PIP4K2B: variants seen among roughly 807,000 people sequenced by gnomAD.
PIP4K2B encodes the protein phosphatidylinositol-5-phosphate 4-kinase type 2 beta.
A neutral mutation model predicts 42.0 loss-of-function variants in PIP4K2B; 3 were observed. The ratio of observed to expected loss-of-function variants is 0.07; its 90% CI spans 0.03 to 0.18. The LOEUF is 0.18. PIP4K2B is among the 10% of genes least tolerant of loss of function. The pLI is 1.00. For synonymous variants in PIP4K2B, 204 were observed against 210.1 expected (o/e 0.97, Z 0.25); for missense variants, 332 against 562.3 (o/e 0.59, Z 4.14).
At chr17:38,780,711 G>C in intron 3 of PIP4K2B, 107 bp from the exon 4 acceptor site, 1 of 1,072,284 alleles carries the variant, frequency 9.3e-7, no homozygotes, top group East Asian at 2.5e-5. Flanking sequence ...ACAACACTGA[G>C]ATAGAGGGAC....
chr17:38,793,245 TC>T (rs1192152971), intron 1 of PIP4K2B, among the ~76,000 whole-genome samples: 20 of 143,360 alleles, frequency 1.4e-4, no homozygotes, highest in African/African-American at 3.2e-4. Flanking sequence ...GAAGATTTTT[TC>T]TTTTTTTTTT....
intron 4 of PIP4K2B, chr17:38,779,845 T>A (rs2143387417): frequency 3.1e-6 from 1 of 326,012 alleles, no homozygotes; most frequent in Admixed American, 4.3e-5. Flanking sequence ...AAATCCCTGA[T>A]CCACACCTTG....
chr17:38,782,887 GAA>G (rs1909786499), intron 3 of PIP4K2B, among the ~76,000 whole-genome samples: 1 of 152,256 alleles, frequency 6.6e-6, no homozygotes, highest in Non-Finnish European at 1.5e-5. Flanking sequence ...ACAGATGAAT[GAA>G]AGTCAGCTAT....
chr17:38,798,200 AC>A (rs909667407), intron 1 of PIP4K2B, among the ~76,000 whole-genome samples: 3 of 152,190 alleles, frequency 2.0e-5, no homozygotes, highest in Non-Finnish European at 4.4e-5. Flanking sequence ...TCCACAGGAA[AC>A]CCAAGCTTGA....
rs549539908 is a variant in PIP4K2B at position 38,784,108 on chromosome 17, G to A, written c.354+135C>T. ...GGCCCCCAGTGCTGGGGGAGAGACC[G>A]CCTGGGCTGGAGCAAGGCATGACAG... On this transcript the variant is annotated intron_variant, in intron 3 of 9. Transcript: ENST00000619039. The A allele has an allele frequency of 7.0e-5, 42 of 599,842 alleles. No individual in the cohort carries two copies. In the East Asian group the frequency reaches 9.6e-4, roughly 14 times the overall value. 37.2% of individuals were successfully genotyped at this position (599,842 alleles called of 1,614,324 possible). A position where few individuals can be genotyped will look rare whatever the true frequency, so the allele number is the denominator to read the frequency against.
Position 38,765,871 on chromosome 17 carries a change from C to T in PIP4K2B, c.*3820G>A, listed in dbSNP as rs1268678847. The T allele has an allele frequency of 1.3e-5, 2 of 152,686 alleles. No individual in the cohort carries two copies. Among genetic ancestry groups the T allele is most frequent in the Non-Finnish European group, 2.9e-5 (2 of 68,050 alleles). The allele number at this position is 152,686 out of a possible 1,614,324, so 9.5% of individuals were successfully genotyped here. A position where few individuals can be genotyped will look rare whatever the true frequency, so the allele number is the denominator to read the frequency against. ...CAGTGGGATATGGAGAAGTCACACA[C>T]TTGGTGGGGTGGTGGTTTGTCCTGC... is the stretch of plus-strand genomic sequence containing the variant. On this transcript the variant is annotated 3_prime_UTR_variant, in exon 10 of 10. Transcript: ENST00000619039.
intron 3 of PIP4K2B, among the ~76,000 whole-genome samples, chr17:38,781,988 C>T (rs2143403525): frequency 6.6e-6 from 1 of 152,242 alleles, no homozygotes; most frequent in South Asian, 2.1e-4. Context: ...GATCAGGATC[C>T]TACTCTTTAC....
chr17:38,780,682 C>T lies in PIP4K2B; in HGVS notation c.355-78G>A, dbSNP rs531557778. On this transcript the variant is annotated intron_variant, in intron 3 of 9. Transcript: ENST00000619039. ...CTTTCGCTGAGTCTTCCCTCAGGGG[C>T]TGGACTGCTTGAAAGCCAACAACAC... 3.5e-6 allele frequency: 5 copies of T among 1,441,132 alleles called. No homozygotes were observed. In the East Asian group the frequency reaches 1.2e-4, roughly 33 times the overall value. The allele number at this position is 1,441,132 out of a possible 1,614,324, so 89.3% of individuals were successfully genotyped here. A position where few individuals can be genotyped will look rare whatever the true frequency, so the allele number is the denominator to read the frequency against.
chr17:38,793,915 T>G (rs185605818), intron 1 of PIP4K2B, among the ~76,000 whole-genome samples: 71 of 150,920 alleles, frequency 4.7e-4, no homozygotes, highest in African/African-American at 1.4e-3. Flanking sequence ...AGAAAATGTA[T>G]GGACAGAACA....
intron 8 of PIP4K2B, 48 bp from the exon 9 acceptor site, chr17:38,770,587 G>A (rs778705145): frequency 4.8e-6 from 5 of 1,042,076 alleles, no homozygotes; most frequent in African/African-American, 4.7e-5. Context: ...GGCAGGAGAA[G>A]GGCAGACAGC....
At chr17:38,781,808 T>C (rs1205017208) in intron 3 of PIP4K2B, among the ~76,000 whole-genome samples, 2 of 151,436 alleles carry the variant, frequency 1.3e-5, no homozygotes, top group African/African-American at 2.4e-5. Flanking sequence ...TGAGCTACTG[T>C]GCCCAGCCTT....
chr17:38,789,950 C>T (rs570787050), intron 1 of PIP4K2B, among the ~76,000 whole-genome samples: 1 of 150,948 alleles, frequency 6.6e-6, no homozygotes, highest in African/African-American at 2.4e-5. Flanking sequence ...GGCCAGGGGG[C>T]GGGGGGTGCT....
intron 1 of PIP4K2B, chr17:38,792,976 T>TG (rs1319550729): frequency 6.6e-6 from 1 of 152,336 alleles, no homozygotes; most frequent in Non-Finnish European, 1.5e-5. Context: ...TCGCCCAGGC[T>TG]GGAGTGCAAT....
chr17:38,775,593 C>T (rs1368492624), intron 7 of PIP4K2B, among the ~76,000 whole-genome samples: 2 of 152,102 alleles, frequency 1.3e-5, no homozygotes, highest in Non-Finnish European at 2.9e-5. Context: ...TGTGGTGGCT[C>T]ACGCCTGTAA....
rs114737539 is a variant in PIP4K2B at position 38,771,211 on chromosome 17, C to T, written c.869G>A (p.Arg290Gln). Residue 290 changes from arginine (R) to glutamine (Q), a missense_variant, in exon 8 of 10, where the codon CGG becomes CAG. By Grantham distance (43) the Arg-to-Gln change is conservative. Coordinates refer to ENST00000619039, the MANE Select transcript of PIP4K2B (RefSeq NM_003559.5). The part of the protein sequence containing the change: ...SLLVGIHDVD[R>Q]AEQEEMEVEE... Reference sequence around the variant, plus strand: ...CACCTCCATCTCCTCCTGCTCTGCCCGGTCCACGTCGTGGATGCCCACCAG... The same window carrying T: ...CACCTCCATCTCCTCCTGCTCTGCCTGGTCCACGTCGTGGATGCCCACCAG... 1 of 1,614,086 alleles carries T rather than the reference C, an allele frequency of 6.2e-7. No individual in the cohort carries two copies. The highest frequency in any genetic ancestry group is 8.5e-7 in the Non-Finnish European group (1 of 1,180,004).
chr17:38,778,918 A>G (rs1450008035), intron 5 of PIP4K2B, among the ~76,000 whole-genome samples: 1 of 152,202 alleles, frequency 6.6e-6, no homozygotes, highest in Non-Finnish European at 1.5e-5. Context: ...GCACTGCAGG[A>G]ACACAGAGGA....
intron 6 of PIP4K2B, 144 bp from the exon 7 acceptor site, chr17:38,777,944 C>T (rs781173817): frequency 4.7e-6 from 3 of 640,400 alleles, no homozygotes; most frequent in Non-Finnish European, 5.6e-6. Context: ...ATCAGCAGTG[C>T]AGGAGCCTCT....
intron 1 of PIP4K2B, among the ~76,000 whole-genome samples, chr17:38,793,609 GC>G (rs1180138926): frequency 6.6e-6 from 1 of 152,168 alleles, no homozygotes. Flanking sequence ...AGTGGCTCAC[GC>G]CTGTAATCCT....
chr17:38,789,420 A>G (rs1440986966), intron 1 of PIP4K2B, among the ~76,000 whole-genome samples: 5 of 152,236 alleles, frequency 3.3e-5, no homozygotes. Context: ...CCACTAATGC[A>G]TTCAGGATTT....
Sources: gnomAD v4.1 joint callset for allele counts (sites outside exome capture counted in the v4.1 genomes callset) on GRCh38, gnomAD v4.1.1 for gene constraint, MANE v1.5 for transcripts, NCBI Gene and HGNC (gene_info 2026-07-23, HGNC 2026-07-21) for gene names.